NHERF1: variants seen among roughly 807,000 people sequenced by gnomAD.
NHERF1 encodes the protein Na(+)/H(+) exchange regulatory cofactor NHE-RF1.
At chr17:74,756,268 TCTTTC>T in the NHERF1 span, among the ~76,000 whole-genome samples, 1 of 129,054 alleles carries the variant, frequency 7.7e-6, no homozygotes, top group South Asian at 2.5e-4. Context: ...TTTCTTTCTT[TCTTTC>T]TTTTTTTTTT....
chr17:74,763,344 G>A, the NHERF1 span: 4 of 1,605,810 alleles, frequency 2.5e-6, no homozygotes, highest in African/African-American at 1.3e-5. Flanking sequence ...TGTCCGTAAC[G>A]CCTCCCCGAC....
At chr17:74,754,083 G>C in the NHERF1 span, among the ~76,000 whole-genome samples, 1 of 152,024 alleles carries the variant, frequency 6.6e-6, no homozygotes, top group Non-Finnish European at 1.5e-5. Flanking sequence ...AGAATGGCTT[G>C]AACCTGGGAG....
chr17:74,748,970 G>C, the NHERF1 span: 4 of 1,607,342 alleles, frequency 2.5e-6, no homozygotes, highest in Non-Finnish European at 3.4e-6. This position sits in a 1 kb window ranked among gnomAD's most constrained non-coding sequence, Gnocchi z 4.3. Context: ...CATCCGGCTG[G>C]TGGAGCCCGG....
At chr17:74,750,421 G>A in the NHERF1 span, among the ~76,000 whole-genome samples, 2 of 152,188 alleles carry the variant, frequency 1.3e-5, no homozygotes, top group Non-Finnish European at 2.9e-5. Context: ...GGAGCCTCCT[G>A]GACAGAGAAA....
At chr17:74,767,982 AAGG>A in the NHERF1 span, 2 of 734,450 alleles carry the variant, frequency 2.7e-6, no homozygotes, top group African/African-American at 1.7e-5. Flanking sequence ...GGAATGTAAA[AAGG>A]AGCCCCAGCA....
the NHERF1 span, among the ~76,000 whole-genome samples, chr17:74,752,476 T>A: frequency 6.6e-6 from 1 of 151,940 alleles, no homozygotes; most frequent in Non-Finnish European, 1.5e-5. Context: ...AGTTAGCATT[T>A]CCTTTCCTTC....
At chr17:74,758,221 G>A in the NHERF1 span, among the ~76,000 whole-genome samples, 1 of 152,196 alleles carries the variant, frequency 6.6e-6, no homozygotes, top group African/African-American at 2.4e-5. The surrounding 1 kb of genome is among the most constrained non-coding windows in gnomAD (Gnocchi z 4.3). Flanking sequence ...ATTGAATTCC[G>A]TGCCCGCCAT....
chr17:74,763,298 C>T, the NHERF1 span: 14 of 1,490,756 alleles, frequency 9.4e-6, no homozygotes, highest in East Asian at 1.8e-4. Flanking sequence ...CTGCCCCCAA[C>T]CCCCCTCCAC....
At chr17:74,758,983 C>G in the NHERF1 span, among the ~76,000 whole-genome samples, 1 of 152,176 alleles carries the variant, frequency 6.6e-6, no homozygotes, top group Non-Finnish European at 1.5e-5. This position sits in a 1 kb window ranked among gnomAD's most constrained non-coding sequence, Gnocchi z 4.3. Flanking sequence ...CAGCAACTGG[C>G]ACTGACACCT....
chr17:74,767,659 C>T, the NHERF1 span, among the ~76,000 whole-genome samples: 51,615 of 152,126 alleles, frequency 0.34, 10,261 homozygotes, highest in Non-Finnish European at 0.45. Context: ...TTTCCATCCA[C>T]CTTCTTCTTT....
At chr17:74,767,927 C>T in the NHERF1 span, 5 of 666,068 alleles carry the variant, frequency 7.5e-6, no homozygotes, top group East Asian at 5.8e-5. Context: ...CCATCCCATC[C>T]CTCCAGCCTG....
At chr17:74,749,346 C>G in the NHERF1 span, 1 of 1,423,750 alleles carries the variant, frequency 7.0e-7, no homozygotes. The surrounding 1 kb of genome is among the most constrained non-coding windows in gnomAD (Gnocchi z 5.6). Flanking sequence ...CCGGAGAGAC[C>G]CAGGTGCCCC....
the NHERF1 span, chr17:74,749,297 G>A: frequency 5.9e-6 from 9 of 1,525,712 alleles, no homozygotes; most frequent in East Asian, 2.5e-5. The surrounding 1 kb of genome is among the most constrained non-coding windows in gnomAD (Gnocchi z 5.6). Flanking sequence ...GGTAAGCGGG[G>A]CCCAAGCCGC....
At chr17:74,761,068 G>T in the NHERF1 span, among the ~76,000 whole-genome samples, 1 of 152,206 alleles carries the variant, frequency 6.6e-6, no homozygotes, top group African/African-American at 2.4e-5. The surrounding 1 kb of genome is among the most constrained non-coding windows in gnomAD (Gnocchi z 4.3). Flanking sequence ...CCATCATACT[G>T]TGTGTCCAGG....
At chr17:74,763,196 C>A in the NHERF1 span, 10 of 603,910 alleles carry the variant, frequency 1.7e-5, no homozygotes, top group East Asian at 2.8e-4. Context: ...ATGGGAGGAC[C>A]CCCAGCCTAG....
the NHERF1 span, chr17:74,768,005 G>A: frequency 1.3e-6 from 1 of 770,652 alleles, no homozygotes; most frequent in Non-Finnish European, 2.4e-6. Flanking sequence ...AGGCTCAGGA[G>A]GTGGGAACCA....
At chr17:74,763,302 CCT>C in the NHERF1 span, 3 of 1,536,360 alleles carry the variant, frequency 2.0e-6, no homozygotes, top group African/African-American at 2.7e-5. Context: ...CCCCAACCCC[CCT>C]CCACTTACCT....
the NHERF1 span, among the ~76,000 whole-genome samples, chr17:74,755,610 G>A: frequency 2.0e-5 from 3 of 152,218 alleles, no homozygotes; most frequent in African/African-American, 4.8e-5. Flanking sequence ...TGGGTGCTGA[G>A]AGCTCTGAAT....
At chr17:74,749,380 G>A in the NHERF1 span, 3 of 1,260,488 alleles carry the variant, frequency 2.4e-6, no homozygotes, top group Non-Finnish European at 3.2e-6. The surrounding 1 kb of genome is among the most constrained non-coding windows in gnomAD (Gnocchi z 5.6). Flanking sequence ...CGCGCCCGCC[G>A]TCGTTTTTCT....
Sources: gnomAD v4.1 joint callset for allele counts (sites outside exome capture counted in the v4.1 genomes callset) on GRCh38, gnomAD v4.1.1 for gene constraint, Gnocchi (gnomAD v3.1) non-coding constraint, MANE v1.5 for transcripts, NCBI Gene and HGNC (gene_info 2026-07-23, HGNC 2026-07-21) for gene names.